The following ATG7 variants were observed in gnomAD, a reference collection of about 807,000 sequenced individuals.
ATG7 encodes the protein ubiquitin-like modifier-activating enzyme ATG7.
ATG7 carries 70 observed loss-of-function variants against 82.4 expected under a neutral mutation model. The ratio of observed to expected loss-of-function variants is 0.85; its 90% confidence interval spans 0.70 to 1.04. ATG7 has a LOEUF of 1.04. Ranked by LOEUF, ATG7 falls within the 50% of genes least tolerant of loss-of-function variation. The probability of loss-of-function intolerance (pLI) is 0.00; values close to 1 mark genes in which losing one functional copy is unlikely to be tolerated. For synonymous variants in ATG7, 287 were observed against 313.0 expected (o/e 0.92, Z 0.88); for missense variants, 792 against 864.3 (o/e 0.92, Z 1.05).
At chr3:11,509,964 A>G (rs1015769845) in intron 20 of ATG7, among the ~76,000 whole-genome samples, 1 of 152,086 alleles carries the variant, frequency 6.6e-6, no homozygotes, top group Non-Finnish European at 1.5e-5. Context: ...GCCAATGGCT[A>G]TTTTTATCAG....
At chr3:11,286,959 G>A (rs1252490088) in intron 3 of ATG7, among the ~76,000 whole-genome samples, 3 of 150,646 alleles carry the variant, frequency 2.0e-5, no homozygotes, top group Non-Finnish European at 3.0e-5. Context: ...TAGAAATGGT[G>A]TTCTGCTATG....
chr3:11,323,676 C>G (rs1273373477), intron 9 of ATG7, among the ~76,000 whole-genome samples: 4 of 152,230 alleles, frequency 2.6e-5, no homozygotes, highest in Non-Finnish European at 4.4e-5. Flanking sequence ...ACAACATTAG[C>G]CTTTAATTCT....
the ATG7 span, among the ~76,000 whole-genome samples, chr3:11,564,162 A>C: frequency 6.6e-6 from 1 of 152,184 alleles, no homozygotes; most frequent in South Asian, 2.1e-4. Context: ...CTTCTCCCAT[A>C]TATTTCCCCA....
chr3:11,308,041 C>T lies in ATG7; in HGVS notation c.334-943C>T, dbSNP rs1019645151. Among the ~76,000 whole-genome samples the T allele has an allele frequency of 2.0e-5, 3 of 152,210 alleles. No homozygotes were observed. The East Asian group carries it at 5.8e-4, about 29-fold the overall frequency. On this transcript the variant is annotated intron_variant, in intron 6 of 20. Coordinates refer to ENST00000693202, the MANE Select transcript of ATG7 (RefSeq NM_001349232.2). ...GCTCTGCCCCCACAGGAATATCCCA[C>T]CCCTCAACTGGGGCCCAGAATTCTC...
chr3:11,504,916 CAG>C (rs2091602424), intron 20 of ATG7, among the ~76,000 whole-genome samples: 1 of 152,094 alleles, frequency 6.6e-6, no homozygotes, highest in Admixed American at 6.5e-5. Flanking sequence ...TTTGCCATGA[CAG>C]GGGTAAGGGG....
intron 19 of ATG7, among the ~76,000 whole-genome samples, chr3:11,408,669 C>T (rs1214045650): frequency 6.6e-6 from 1 of 152,146 alleles, no homozygotes; most frequent in Non-Finnish European, 1.5e-5. Context: ...TGGCAGCGGG[C>T]AAAGAGAGAG....
chr3:11,497,882 C>T (rs1326700657), intron 20 of ATG7, among the ~76,000 whole-genome samples: 3 of 152,036 alleles, frequency 2.0e-5, no homozygotes, highest in Admixed American at 1.3e-4. Context: ...AAATGGTTCA[C>T]GAAAGTTGAA....
intron 11 of ATG7, among the ~76,000 whole-genome samples, chr3:11,335,081 C>T (rs894430606): frequency 1.3e-5 from 2 of 151,760 alleles, no homozygotes; most frequent in African/African-American, 4.8e-5. Flanking sequence ...GATGTCTTTA[C>T]ACAATTCGCT....
chr3:11,539,375 C>T (rs1412103735), intron 20 of ATG7, among the ~76,000 whole-genome samples: 1 of 152,242 alleles, frequency 6.6e-6, no homozygotes, highest in Non-Finnish European at 1.5e-5. Context: ...AGAGACAGAG[C>T]TCTTAACTCC....
At chr3:11,377,946 A>G (rs907632522) in intron 18 of ATG7, among the ~76,000 whole-genome samples, 2 of 151,668 alleles carry the variant, frequency 1.3e-5, no homozygotes, top group Non-Finnish European at 2.9e-5. Flanking sequence ...TGGTTACCAC[A>G]TTCCTGAGAT....
At chr3:11,566,937 A>G in the ATG7 span, among the ~76,000 whole-genome samples, 3 of 152,200 alleles carry the variant, frequency 2.0e-5, no homozygotes, top group African/African-American at 7.2e-5. Context: ...AAAGGCAGGT[A>G]TCGTGGAGTG....
At chr3:11,283,947 A>C (rs952630961) in intron 3 of ATG7, among the ~76,000 whole-genome samples, 8 of 152,012 alleles carry the variant, frequency 5.3e-5, no homozygotes, top group African/African-American at 1.9e-4. Context: ...AAAACAAACC[A>C]AAAAAACTCC....
At chr3:11,473,844 C>T (rs1355161371) in intron 20 of ATG7, among the ~76,000 whole-genome samples, 2 of 152,200 alleles carry the variant, frequency 1.3e-5, no homozygotes, top group Non-Finnish European at 2.9e-5. Flanking sequence ...TATTTGGTTA[C>T]TGTGCTGTGC....
chr3:11,448,553 C>T (rs150155856), intron 20 of ATG7, among the ~76,000 whole-genome samples: 2 of 152,324 alleles, frequency 1.3e-5, no homozygotes, highest in East Asian at 3.9e-4. Flanking sequence ...AATCTGTAAT[C>T]AGGAACATAA....
intron 3 of ATG7, among the ~76,000 whole-genome samples, chr3:11,286,807 G>T (rs941970786): frequency 6.6e-6 from 1 of 151,772 alleles, no homozygotes; most frequent in Non-Finnish European, 1.5e-5. Flanking sequence ...TGTTGCCCAT[G>T]TTGCCCAGGC....
chr3:11,526,670 G>A (rs9861286), intron 20 of ATG7, among the ~76,000 whole-genome samples: 42,697 of 151,970 alleles, frequency 0.28, 7,036 homozygotes, highest in African/African-American at 0.46. Context: ...GTAGACAGTG[G>A]TATCTTTTGC....
chr3:11,273,017 AT>A (rs1940839223), intron 1 of ATG7, among the ~76,000 whole-genome samples: 1 of 152,252 alleles, frequency 6.6e-6, no homozygotes, highest in Admixed American at 6.5e-5. Context: ...CAAACTTCTA[AT>A]TTTATAAGTA....
chr3:11,351,512 G>A lies in ATG7; in HGVS notation c.1284+3477G>A, dbSNP rs192611823. The stretch of plus-strand genomic sequence containing the variant: ...CATAGAGGTCAAAGAAGATGAGGAG[G>A]AAGAGAAGGCTGAGGTGGGAGCAAG... On this transcript the variant is annotated intron_variant, in intron 14 of 20. Transcript: ENST00000693202. Among the ~76,000 whole-genome samples, 4 of 152,272 alleles carry A rather than the reference G, an allele frequency of 2.6e-5. No homozygotes were observed. In the East Asian group the frequency reaches 7.7e-4, roughly 29 times the overall value.
At chr3:11,377,411 ATCT>A (rs1057201245) in intron 18 of ATG7, among the ~76,000 whole-genome samples, 2 of 152,034 alleles carry the variant, frequency 1.3e-5, no homozygotes, top group African/African-American at 2.4e-5. Flanking sequence ...CGTGCACGGC[ATCT>A]TCTTTTTCTT....
Sources: gnomAD v4.1 joint callset for allele counts (sites outside exome capture counted in the v4.1 genomes callset) on GRCh38, gnomAD v4.1.1 for gene constraint, MANE v1.5 for transcripts, NCBI Gene and HGNC (gene_info 2026-07-23, HGNC 2026-07-21) for gene names.